Variants in CNPY1 observed in about 807,000 individuals in gnomAD.
CNPY1 encodes the protein protein canopy homolog 1.
CNPY1 carries 14 observed loss-of-function variants against 14.4 expected under a neutral mutation model. The ratio of observed to expected loss-of-function variants is 0.97; its 90% CI spans 0.64 to 1.52. CNPY1 has a LOEUF of 1.52. Among genes scored for constraint, CNPY1 ranks in the 40% most tolerant of loss-of-function variants. The pLI is 0.00. For synonymous variants in CNPY1, 43 were observed against 46.5 expected (o/e 0.92, Z 0.31); for missense variants, 129 against 131.5 (o/e 0.98, Z 0.09).
Position 155,529,917 on chromosome 7 carries a change from G to A in CNPY1, c.99+15914C>T, listed in dbSNP as rs950034637. On this transcript the variant is annotated intron_variant, in intron 2 of 4. Coordinates refer to ENST00000636446, the MANE Select transcript of CNPY1 (RefSeq NM_001393663.1). Reference sequence around the variant, plus strand: ...CATGCCTCAGCCTCCCGAGTAACTGGGATTACGGGCGCCTGCCACCACGCC... The same window carrying A: ...CATGCCTCAGCCTCCCGAGTAACTGAGATTACGGGCGCCTGCCACCACGCC... Among the ~76,000 whole-genome samples, 30 of 152,110 alleles carry A rather than the reference G, an allele frequency of 2.0e-4. 1 individual carries two copies. Among genetic ancestry groups the A allele is most frequent in the Admixed American group, 1.8e-3 (27 of 15,266 alleles).
intron 2 of CNPY1, among the ~76,000 whole-genome samples, chr7:155,527,402 A>G (rs1796845911): frequency 6.7e-6 from 1 of 149,768 alleles, no homozygotes; most frequent in Non-Finnish European, 1.5e-5. Context: ...TCTCTTGCTA[A>G]AATCATCATG....
At chr7:155,534,286 C>G (rs1475553853) in intron 2 of CNPY1, among the ~76,000 whole-genome samples, 2 of 152,200 alleles carry the variant, frequency 1.3e-5, no homozygotes, top group Non-Finnish European at 2.9e-5. Context: ...TGAGCTCACA[C>G]ACACACACTC....
At position 155,501,332 on chromosome 7, in the gene CNPY1, C is replaced by T. The variant is rs972712168; in HGVS notation, c.*1736G>A. On this transcript the variant is annotated 3_prime_UTR_variant, in exon 5 of 5. Coordinates refer to ENST00000636446, the MANE Select transcript of CNPY1 (RefSeq NM_001393663.1). ...CCGTTTAGTTACAAACAGGAGCCCA[C>T]ATTTTCTTAATTTCTATAATTAGTG... 6.6e-6 allele frequency: 1 copy of T among 152,204 alleles called. No homozygotes were observed. The highest frequency in any genetic ancestry group is 1.5e-5 in the Non-Finnish European group (1 of 68,024). The allele number at this position is 152,204 out of a possible 1,614,324, so 9.4% of individuals were successfully genotyped here.
chr7:155,537,963 A>C (rs1250550147), intron 2 of CNPY1, among the ~76,000 whole-genome samples: 1 of 152,250 alleles, frequency 6.6e-6, no homozygotes, highest in Non-Finnish European at 1.5e-5. Context: ...TAATACGCAG[A>C]TACAAGAACT....
chr7:155,515,928 A>G (rs574403752), intron 2 of CNPY1, among the ~76,000 whole-genome samples: 4 of 151,648 alleles, frequency 2.6e-5, no homozygotes, highest in Admixed American at 6.6e-5. Flanking sequence ...CCTCCCCCAG[A>G]CCCCTTAGGC....
chr7:155,503,031 G>C lies in CNPY1; in HGVS notation c.*37C>G. The stretch of plus-strand genomic sequence containing the variant: ...AATGCAGACATTGACCTTTGGGTGT[G>C]ACTTTACTCCTCTCTACGACCAGCA... On this transcript the variant is annotated 3_prime_UTR_variant, in exon 5 of 5. Coordinates refer to ENST00000636446, the MANE Select transcript of CNPY1 (RefSeq NM_001393663.1). 6.3e-7 allele frequency: 1 copy of C among 1,590,052 alleles called. No individual in the cohort carries two copies. The highest frequency in any genetic ancestry group is 8.6e-7 in the Non-Finnish European group (1 of 1,164,778).
At chr7:155,513,799 T>C (rs1796568361) in intron 2 of CNPY1, among the ~76,000 whole-genome samples, 1 of 152,234 alleles carries the variant, frequency 6.6e-6, no homozygotes, top group South Asian at 2.1e-4. Context: ...TTTGATTCTT[T>C]ATGAAGTTAA....
At chr7:155,522,716 A>G (rs1254891256) in intron 2 of CNPY1, among the ~76,000 whole-genome samples, 4 of 152,164 alleles carry the variant, frequency 2.6e-5, no homozygotes, top group African/African-American at 9.7e-5. Flanking sequence ...ACCTGTCTAC[A>G]CCACCATGCA....
chr7:155,518,918 T>G (rs1455841716), intron 2 of CNPY1, among the ~76,000 whole-genome samples: 1 of 152,196 alleles, frequency 6.6e-6, no homozygotes, highest in Non-Finnish European at 1.5e-5. Flanking sequence ...GGGGTCGTGT[T>G]TTCTCTGATC....
chr7:155,530,296 C>CTT (rs11386824), intron 2 of CNPY1, among the ~76,000 whole-genome samples: 49,960 of 96,952 alleles, frequency 0.52, 14,875 homozygotes, highest in South Asian at 0.75. Context: ...CCAGCAGGGT[C>CTT]TTTTTTTTTT....
intron 2 of CNPY1, among the ~76,000 whole-genome samples, chr7:155,533,407 C>T (rs1474607712): frequency 6.6e-6 from 1 of 152,212 alleles, no homozygotes; most frequent in South Asian, 2.1e-4. Context: ...GCAAAGTTAA[C>T]GTTTGTTTAC....
rs1229045743 is a variant in CNPY1, at chr7:155,502,303, C to T, written c.*765G>A. On this transcript the variant is annotated 3_prime_UTR_variant, in exon 5 of 5. Coordinates refer to ENST00000636446, the MANE Select transcript of CNPY1 (RefSeq NM_001393663.1). The stretch of plus-strand genomic sequence containing the variant: ...CACTAAATGTGAGCCAAAAAAAAAA[C>T]GTTTAGAAGAAAAACAAACAAGCCA... The T allele has an allele frequency of 2.0e-5, 3 of 149,750 alleles. No homozygotes were observed. The highest frequency in any genetic ancestry group is 7.4e-5 in the African/African-American group (3 of 40,418). The allele number at this position is 149,750 out of a possible 1,614,324, so 9.3% of individuals were successfully genotyped here.
chr7:155,517,802 A>G (rs1796650993), intron 2 of CNPY1, among the ~76,000 whole-genome samples: 1 of 152,238 alleles, frequency 6.6e-6, no homozygotes, highest in African/African-American at 2.4e-5. Context: ...CCTCCTCTGT[A>G]GAACCAGGGC....
chr7:155,519,246 G>C (rs1441397008), intron 2 of CNPY1, among the ~76,000 whole-genome samples: 1 of 152,176 alleles, frequency 6.6e-6, no homozygotes, highest in Non-Finnish European at 1.5e-5. Flanking sequence ...GATGCAGGCT[G>C]GGTGTAGTGG....
chr7:155,508,791 C>G, intron 3 of CNPY1, 103 bp downstream of exon 3: 1 of 1,232,002 alleles, frequency 8.1e-7, no homozygotes. Context: ...TTTGATGTTC[C>G]ATGTCTTGAA....
chr7:155,540,259 G>T (rs1797068633), intron 2 of CNPY1, among the ~76,000 whole-genome samples: 1 of 152,216 alleles, frequency 6.6e-6, no homozygotes, highest in Non-Finnish European at 1.5e-5. Context: ...AGCTTCGAAG[G>T]ACTTCCAATG....
chr7:155,545,495 A>C (rs998362979), intron 2 of CNPY1, among the ~76,000 whole-genome samples: 4 of 152,180 alleles, frequency 2.6e-5, no homozygotes, highest in African/African-American at 9.7e-5. Context: ...GGAGAGGACT[A>C]TTCTGCTTTG....
rs2116646667 is a variant in CNPY1 at position 155,502,439 on chromosome 7, C to T, written c.*629G>A. The T allele has an allele frequency of 6.6e-6, 1 of 152,228 alleles. No individual in the cohort carries two copies. The highest frequency in any genetic ancestry group is 2.1e-4 in the South Asian group (1 of 4,816). The allele number at this position is 152,228 out of a possible 1,614,324, so 9.4% of individuals were successfully genotyped here. ...TAAACTCAGAATGGTGTTTGAGAGG[C>T]CAATATAATTATTGTTTACTATAAA... On this transcript the variant is annotated 3_prime_UTR_variant, in exon 5 of 5. Coordinates refer to ENST00000636446, the MANE Select transcript of CNPY1 (RefSeq NM_001393663.1).
At chr7:155,544,378 G>A (rs962446980) in intron 2 of CNPY1, among the ~76,000 whole-genome samples, 83 of 152,288 alleles carry the variant, frequency 5.5e-4, no homozygotes, top group African/African-American at 1.8e-3. Flanking sequence ...AGGGCTCTGC[G>A]GTCATTTCCT....
Sources: gnomAD v4.1 joint callset for allele counts (sites outside exome capture counted in the v4.1 genomes callset) on GRCh38, gnomAD v4.1.1 for gene constraint, MANE v1.5 for transcripts, NCBI Gene and HGNC (gene_info 2026-07-23, HGNC 2026-07-21) for gene names.